The following RBM33 variants were observed in gnomAD, a reference collection of about 807,000 sequenced individuals.
RBM33 encodes RNA binding motif protein 33.
A neutral mutation model predicts 132.6 loss-of-function variants in RBM33; 28 were observed. The ratio of observed to expected loss-of-function variants is 0.21; its 90% CI spans 0.16 to 0.29. The LOEUF (loss-of-function observed/expected upper bound fraction) is 0.29, where lower values mean the gene tolerates loss of function less well. RBM33 is among the 10% of genes least tolerant of loss of function. RBM33 has a pLI of 1.00. For synonymous variants in RBM33, 634 were observed against 593.0 expected (o/e 1.07, Z -1.01); for missense variants, 1,291 against 1,518.5 (o/e 0.85, Z 2.49).
intron 13 of RBM33, among the ~76,000 whole-genome samples, chr7:155,743,945 C>T (rs960496101): frequency 6.6e-6 from 1 of 152,122 alleles, no homozygotes; most frequent in Non-Finnish European, 1.5e-5. Flanking sequence ...AGCCTCTCAC[C>T]CACCTTCATT....
intron 3 of RBM33, among the ~76,000 whole-genome samples, chr7:155,675,638 T>C (rs1024781535): frequency 6.6e-6 from 1 of 152,198 alleles, no homozygotes; most frequent in South Asian, 2.1e-4. Context: ...GTTTACGCAC[T>C]CACTCCCTAC....
chr7:155,706,741 C>T (rs991205125), intron 6 of RBM33, 119 bp from the exon 7 acceptor site: 12 of 781,636 alleles, frequency 1.5e-5, no homozygotes, highest in East Asian at 2.7e-5. Context: ...GTGTTTCCTG[C>T]GGGTGAAGCA....
At chr7:155,762,587 T>C (rs1802071722) in intron 14 of RBM33, among the ~76,000 whole-genome samples, 1 of 152,226 alleles carries the variant, frequency 6.6e-6, no homozygotes, top group Non-Finnish European at 1.5e-5. Context: ...TGTTTCTTTG[T>C]ACAGTCTTAG....
At chr7:155,720,317 C>T (rs1388899117) in intron 9 of RBM33, among the ~76,000 whole-genome samples, 6 of 152,110 alleles carry the variant, frequency 3.9e-5, no homozygotes, top group African/African-American at 9.7e-5. Context: ...GGGTATAGCG[C>T]GTGCAGTGCA....
chr7:155,676,009 G>A (rs1799174838), intron 3 of RBM33, among the ~76,000 whole-genome samples: 1 of 152,016 alleles, frequency 6.6e-6, no homozygotes, highest in South Asian at 2.1e-4. Flanking sequence ...GTGTTTATTA[G>A]CGAGTTAATT....
At chr7:155,693,492 A>C (rs1799705957) in intron 5 of RBM33, among the ~76,000 whole-genome samples, 1 of 152,142 alleles carries the variant, frequency 6.6e-6, no homozygotes. Flanking sequence ...TTTTACTTTT[A>C]AACTGTGTAT....
chr7:155,648,418 TC>T lies in RBM33; in HGVS notation c.43+3501del, dbSNP rs80068045. On this transcript the variant is annotated intron_variant, in intron 1 of 17. Coordinates refer to ENST00000401878, the MANE Select transcript of RBM33 (RefSeq NM_053043.3). ...GGTTTTTTGACTTCTAGTTCAGTGTTCCTTCCACTGTGTCAGTATGTAGTAA... is the reference window on the plus strand; with the variant it reads ...GGTTTTTTGACTTCTAGTTCAGTGTTCTTCCACTGTGTCAGTATGTAGTAA... Among the ~76,000 whole-genome samples the T allele has an allele frequency of 7.6e-4, 116 of 152,324 alleles. No individual in the cohort carries two copies. The East Asian group carries it at 0.02, about 27-fold the overall frequency.
In RBM33 at chr7:155,775,331, C is replaced by G. The variant is rs1802571388; in HGVS notation, c.*290C>G. The G allele has an allele frequency of 1.8e-6, 1 of 550,524 alleles. No individual in the cohort carries two copies. Among genetic ancestry groups the G allele is most frequent in the African/African-American group, 1.9e-5 (1 of 52,826 alleles). 34.1% of individuals were successfully genotyped at this position (550,524 alleles called of 1,614,324 possible). A position where few individuals can be genotyped will look rare whatever the true frequency, so the allele number is the denominator to read the frequency against. On this transcript the variant is annotated 3_prime_UTR_variant, in exon 18 of 18. Transcript: ENST00000401878. ...TCAAAGTGCTTACAATGCATGTAGA[C>G]ATTGTTCTTTGTGGTCTGACTCTAT...
At position 155,745,079 on chromosome 7, in the gene RBM33, G is replaced by C. The variant is rs2117036890; in HGVS notation, c.2456G>C (p.Arg819Thr). The change falls in exon 14 of 18, where the codon AGG (arginine) becomes ACG (threonine). Residue 819 changes from arginine to threonine, a missense_variant. By Grantham distance (71) the Arg-to-Thr change is moderately conservative (BLOSUM62 -1). Transcript: ENST00000401878. This position sits in a 1 kb window ranked among gnomAD's most constrained non-coding sequence, Gnocchi z 4.1. ...CGGCGGCAGCAGCAGGCTGGTGCCA[G>C]GAAGAAGGAGCTGCTGGAGAGACTC... is the stretch of plus-strand genomic sequence containing the variant. Reference protein sequence around the residue: ...ELRRQQQAGARKKELLERLAQ... With the variant: ...ELRRQQQAGATKKELLERLAQ... The C allele has an allele frequency of 6.2e-7, 1 of 1,604,346 alleles. No homozygotes were observed. The highest frequency in any genetic ancestry group is 8.5e-7 in the Non-Finnish European group (1 of 1,175,042).
chr7:155,660,652 T>C (rs1329060837), intron 1 of RBM33, among the ~76,000 whole-genome samples: 2 of 152,254 alleles, frequency 1.3e-5, no homozygotes, highest in Non-Finnish European at 2.9e-5. Context: ...TTTGTCTTGG[T>C]GCTTTCAAGG....
intron 4 of RBM33, 150 bp from the exon 5 acceptor site, chr7:155,680,440 T>G: frequency 1.6e-6 from 1 of 641,046 alleles, no homozygotes; most frequent in Non-Finnish European, 2.7e-6. Flanking sequence ...GCATTTTGAG[T>G]ACTGTTGGAG....
At chr7:155,688,621 A>G (rs190061463) in intron 5 of RBM33, among the ~76,000 whole-genome samples, 4,731 of 152,100 alleles carry the variant, frequency 0.031, 239 homozygotes, top group African/African-American at 0.11. Context: ...GTTTGTCATA[A>G]ATAGCTCTTA....
rs530693746 is a variant in RBM33, at chr7:155,780,444, T to A, written c.*5403T>A. ...AGTGTGACCTTTTTCATGTCTGAGC[T>A]GATTCTGTTTGCTCCACGTGCCTGC... On this transcript the variant is annotated 3_prime_UTR_variant, in exon 18 of 18. Coordinates refer to ENST00000401878, the MANE Select transcript of RBM33 (RefSeq NM_053043.3). The A allele has an allele frequency of 6.6e-6, 1 of 152,422 alleles. No homozygotes were observed. The highest frequency in any genetic ancestry group is 2.1e-4 in the South Asian group (1 of 4,828). 9.4% of individuals were successfully genotyped at this position (152,422 alleles called of 1,614,324 possible). A position where few individuals can be genotyped will look rare whatever the true frequency, so the allele number is the denominator to read the frequency against.
chr7:155,692,767 T>G (rs1234851562), intron 5 of RBM33, among the ~76,000 whole-genome samples: 1 of 152,244 alleles, frequency 6.6e-6, no homozygotes, highest in South Asian at 2.1e-4. Flanking sequence ...CTTGACAGTA[T>G]TAAAAGCTTT....
chr7:155,682,149 G>A (rs765773150), intron 5 of RBM33, among the ~76,000 whole-genome samples: 20 of 152,142 alleles, frequency 1.3e-4, no homozygotes, highest in Non-Finnish European at 2.6e-4. Context: ...TCGAACTCTT[G>A]ACCTCAAGTT....
Position 155,680,608 on chromosome 7 carries a change from T to A in RBM33, c.267T>A (p.Ile89=). 6.3e-7 allele frequency: 1 copy of A among 1,599,576 alleles called. No individual in the cohort carries two copies. Among genetic ancestry groups the A allele is most frequent in the Non-Finnish European group, 8.5e-7 (1 of 1,174,518 alleles). The change falls in exon 5 of 18, where the codon ATT becomes ATA. Residue 89 remains isoleucine (I), a synonymous_variant. Transcript: ENST00000401878. ...EENFSSQGVT[I]SLNATSGMVT... is the part of the protein sequence containing the mutation. ...TCTCTAGTTCTCAGGGTGTTACAATTAGTCTGAATGCTACATCTGGCATGG... is the reference window on the plus strand; with the variant it reads ...TCTCTAGTTCTCAGGGTGTTACAATAAGTCTGAATGCTACATCTGGCATGG...
rs1802824869 is a variant in RBM33 at position 155,781,266 on chromosome 7, T to TG, written c.*6230dup. On this transcript the variant is annotated 3_prime_UTR_variant, in exon 18 of 18. Coordinates refer to ENST00000401878, the MANE Select transcript of RBM33 (RefSeq NM_053043.3). Reference sequence around the variant, plus strand: ...TCTCCCAGACACACCACACCTACCTTGGGGGAATGCCGTTGCCTGTTCCAC... The same window carrying TG: ...TCTCCCAGACACACCACACCTACCTTGGGGGGAATGCCGTTGCCTGTTCCAC... 2 of 152,292 alleles carry TG rather than the reference T, an allele frequency of 1.3e-5. No individual in the cohort carries two copies. The highest frequency in any genetic ancestry group is 2.9e-5 in the Non-Finnish European group (2 of 68,046). 9.4% of individuals were successfully genotyped at this position (152,292 alleles called of 1,614,324 possible). A position where few individuals can be genotyped will look rare whatever the true frequency, so the allele number is the denominator to read the frequency against.
In RBM33 at chr7:155,774,277, G is replaced by T. The variant is rs1210181976; in HGVS notation, c.3376-282G>T. 2.6e-5 allele frequency among the ~76,000 whole-genome samples: 4 copies of T among 152,214 alleles called. No individual in the cohort carries two copies. The South Asian group carries it at 8.3e-4, about 31-fold the overall frequency. On this transcript the variant is annotated intron_variant, in intron 16 of 17. Transcript: ENST00000401878. The surrounding 1 kb of genome is among the most constrained non-coding windows in gnomAD (Gnocchi z 4.2). ...CCTGCTACCCGGTCTCCCAGAGCAG[G>T]TTGGGGCAGCTGATGGGGCCAGATG... is the stretch of plus-strand genomic sequence containing the variant.
intron 9 of RBM33, among the ~76,000 whole-genome samples, chr7:155,725,707 C>T (rs1298281617): frequency 1.3e-5 from 2 of 152,126 alleles, no homozygotes. Context: ...GGAGGTTCAT[C>T]AAAACACCAT....
Sources: allele counts gnomAD v4.1 joint callset (sites outside exome capture counted in the v4.1 genomes callset), GRCh38; gene constraint gnomAD v4.1.1; non-coding constraint Gnocchi (gnomAD v3.1); transcripts MANE v1.5; gene names NCBI Gene and HGNC (gene_info 2026-07-23, HGNC 2026-07-21).